GCNT1: variants seen among roughly 807,000 people sequenced by gnomAD.
The protein encoded by GCNT1 is glucosaminyl (N-acetyl) transferase 1, also known as beta-1,3-galactosyl-O-glycosyl-glycoprotein beta-1,6-N-acetylglucosaminyltransferase.
Under a neutral mutation model 26.2 loss-of-function variants are expected in GCNT1, and 16 were observed. That is an observed-to-expected ratio of 0.61 (90% CI 0.41 to 0.93). The LOEUF is 0.93. Among genes scored for constraint, GCNT1 ranks in the 40% least tolerant of loss-of-function variants. GCNT1 has a pLI of 0.00. For missense variants in GCNT1, 477 were observed against 526.7 expected, an observed-to-expected ratio of 0.91 and a Z score of 0.92; for synonymous variants, 183 against 190.8, an observed-to-expected ratio of 0.96 and a Z score of 0.34.
intron 2 of GCNT1, among the ~76,000 whole-genome samples, chr9:76,493,660 A>T (rs1824814736): frequency 6.6e-6 from 1 of 152,074 alleles, no homozygotes; most frequent in Non-Finnish European, 1.5e-5. Context: ...AGATTAGAGG[A>T]GGCTCATCAT....
the GCNT1 span, chr9:76,398,893 T>A: frequency 2.6e-6 from 4 of 1,536,332 alleles, no homozygotes; most frequent in Non-Finnish European, 2.7e-6. Context: ...CTAGTGCTAT[T>A]GTTGCCATTG....
At chr9:76,411,899 A>G in the GCNT1 span, among the ~76,000 whole-genome samples, 3 of 151,836 alleles carry the variant, frequency 2.0e-5, no homozygotes, top group South Asian at 4.2e-4. Flanking sequence ...ACAAGGTTTC[A>G]CCATGTTGGC....
the GCNT1 span, among the ~76,000 whole-genome samples, chr9:76,413,399 A>G: frequency 1.3e-5 from 2 of 152,220 alleles, no homozygotes; most frequent in Non-Finnish European, 2.9e-5. Flanking sequence ...ATTCACAACC[A>G]AATCTCCTGG....
the GCNT1 span, among the ~76,000 whole-genome samples, chr9:76,397,308 A>T: frequency 7.6e-6 from 1 of 132,036 alleles, no homozygotes; most frequent in African/African-American, 2.7e-5. Flanking sequence ...ATAAATAGAT[A>T]GATTTAAAAA....
chr9:76,445,422 C>G (rs1823558964), intron 1 of GCNT1, among the ~76,000 whole-genome samples: 1 of 152,036 alleles, frequency 6.6e-6, no homozygotes, highest in Non-Finnish European at 1.5e-5. Context: ...CAGTCTCACT[C>G]TTTCACCCAG....
chr9:76,505,062 C>T lies in GCNT1; in HGVS notation c.*1394C>T, dbSNP rs1454181256. The T allele has an allele frequency of 2.4e-6, 1 of 412,214 alleles. No individual in the cohort carries two copies. Among genetic ancestry groups the T allele is most frequent in the Admixed American group, 4.4e-5 (1 of 22,694 alleles). The allele number at this position is 412,214 out of a possible 1,614,324, so 25.5% of individuals were successfully genotyped here. On this transcript the variant is annotated 3_prime_UTR_variant, in exon 4 of 4. Transcript: ENST00000376730. ...TAAAAAGAAATTCTCGTACTTTTGC[C>T]ATGTTGATACTGTTCAGCAAACAAG...
the GCNT1 span, among the ~76,000 whole-genome samples, chr9:76,400,853 A>T: frequency 3.6e-3 from 544 of 152,316 alleles, 3 homozygotes; most frequent in Non-Finnish European, 6.0e-3. Context: ...CTGTGATCAT[A>T]TTTCCAAGAA....
chr9:76,408,552 T>C, the GCNT1 span, among the ~76,000 whole-genome samples: 1 of 152,218 alleles, frequency 6.6e-6, no homozygotes, highest in Non-Finnish European at 1.5e-5. Context: ...GCTAATATTT[T>C]GTTCAGAATT....
At chr9:76,470,580 G>A (rs1201955503) in intron 2 of GCNT1, among the ~76,000 whole-genome samples, 2 of 146,758 alleles carry the variant, frequency 1.4e-5, no homozygotes, top group African/African-American at 2.6e-5. Context: ...TTCAAGCCTG[G>A]GTGACAGAGC....
intron 2 of GCNT1, among the ~76,000 whole-genome samples, chr9:76,469,712 C>T (rs1824089046): frequency 6.6e-6 from 1 of 152,220 alleles, no homozygotes; most frequent in Non-Finnish European, 1.5e-5. Flanking sequence ...GCGCCCATTG[C>T]CGCTCCCGAT....
At chr9:76,428,673 T>C (rs1823292755) in intron 1 of GCNT1, among the ~76,000 whole-genome samples, 1 of 151,772 alleles carries the variant, frequency 6.6e-6, no homozygotes, top group African/African-American at 2.4e-5. Flanking sequence ...ACCTTTACTT[T>C]GAATAACGTA....
chr9:76,400,078 G>A, the GCNT1 span, among the ~76,000 whole-genome samples: 3 of 152,174 alleles, frequency 2.0e-5, no homozygotes, highest in Non-Finnish European at 4.4e-5. Flanking sequence ...GAAGTTGGAG[G>A]TCGGAGGGAG....
chr9:76,423,085 A>G (rs377305885), intron 1 of GCNT1, among the ~76,000 whole-genome samples: 30 of 152,354 alleles, frequency 2.0e-4, no homozygotes, highest in African/African-American at 7.0e-4. Flanking sequence ...ATTTAGCAGG[A>G]CATAACCCCA....
chr9:76,479,345 G>T (rs924375779), intron 2 of GCNT1, among the ~76,000 whole-genome samples: 1 of 152,186 alleles, frequency 6.6e-6, no homozygotes, highest in African/African-American at 2.4e-5. Flanking sequence ...CTTTATAGGA[G>T]CATGATTTAT....
At chr9:76,443,745 G>T (rs1417493122) in intron 1 of GCNT1, among the ~76,000 whole-genome samples, 1 of 152,160 alleles carries the variant, frequency 6.6e-6, no homozygotes, top group African/African-American at 2.4e-5. Context: ...GCCAGGTGTG[G>T]TGGTGCATGC....
chr9:76,475,205 A>T (rs1465527664), intron 2 of GCNT1, among the ~76,000 whole-genome samples: 4 of 152,226 alleles, frequency 2.6e-5, no homozygotes, highest in Non-Finnish European at 5.9e-5. Context: ...CAATAACTGT[A>T]CCAAAATATA....
intron 2 of GCNT1, among the ~76,000 whole-genome samples, chr9:76,479,047 C>A (rs570295444): frequency 9.9e-5 from 15 of 152,060 alleles, no homozygotes; most frequent in African/African-American, 3.6e-4. Context: ...GTGATGTCCC[C>A]CTTCCTGTGT....
upstream of GCNT1, among the ~76,000 whole-genome samples, chr9:76,417,674 G>A (rs940302688): frequency 6.6e-6 from 1 of 152,186 alleles, no homozygotes; most frequent in Non-Finnish European, 1.5e-5. Context: ...TGTATTTTCA[G>A]GAGGCCCTGC....
At chr9:76,421,659 A>T (rs1376470049) in intron 1 of GCNT1, among the ~76,000 whole-genome samples, 2 of 106,890 alleles carry the variant, frequency 1.9e-5, no homozygotes, top group African/African-American at 3.5e-5. Flanking sequence ...TTAATGTCTT[A>T]TTGATGGCAA....
Sources: allele counts gnomAD v4.1 joint callset (sites outside exome capture counted in the v4.1 genomes callset), GRCh38; gene constraint gnomAD v4.1.1; transcripts MANE v1.5; gene names NCBI Gene and HGNC (gene_info 2026-07-23, HGNC 2026-07-21).